MYRFL: variants seen among roughly 807,000 people sequenced by gnomAD.
MYRFL encodes myelin regulatory factor-like protein.
Under a neutral mutation model 109.4 loss-of-function variants are expected in MYRFL, and 88 were observed. That is an observed-to-expected ratio of 0.80 (90% confidence interval 0.68 to 0.96). The LOEUF (loss-of-function observed/expected upper bound fraction) is 0.96, where lower values mean the gene tolerates loss of function less well. Ranked by LOEUF, MYRFL falls within the 40% of genes least tolerant of loss-of-function variation. The pLI, the probability that MYRFL is intolerant of heterozygous loss-of-function variation, is 0.00. For synonymous variants in MYRFL, 324 were observed against 320.9 expected, an observed-to-expected ratio of 1.01 and a Z score of -0.10; for missense variants, 957 against 954.9, an observed-to-expected ratio of 1.00 and a Z score of -0.03.
At position 69,929,359 on chromosome 12, in the gene MYRFL, A is replaced by G. The variant is rs1406620775; in HGVS notation, c.1830+1611A>G. Among the ~76,000 whole-genome samples, 6 of 152,142 alleles carry G rather than the reference A, an allele frequency of 3.9e-5. No homozygotes were observed. The East Asian group carries it at 1.2e-3, about 29-fold the overall frequency. On this transcript the variant is annotated intron_variant, in intron 15 of 24. Transcript: ENST00000552032. Reference sequence around the variant, plus strand: ...TTGCATTGTAGCCAGGGAAGATTGGAAAAAAATACAAAGAACAGTTGTACC... The same window carrying G: ...TTGCATTGTAGCCAGGGAAGATTGGGAAAAAATACAAAGAACAGTTGTACC...
At chr12:69,934,441 C>T (rs1955381446) in intron 16 of MYRFL, among the ~76,000 whole-genome samples, 1 of 152,180 alleles carries the variant, frequency 6.6e-6, no homozygotes, top group Non-Finnish European at 1.5e-5. Flanking sequence ...CCATCTGCAG[C>T]CCAATGAACA....
chr12:69,879,559 A>G, intron 4 of MYRFL, 106 bp downstream of exon 4: 1 of 606,196 alleles, frequency 1.6e-6, no homozygotes, highest in Non-Finnish European at 2.9e-6. Context: ...CCTGTCCAGG[A>G]GATGGCAGTG....
intron 5 of MYRFL, among the ~76,000 whole-genome samples, chr12:69,885,410 A>G (rs1215681704): frequency 2.0e-5 from 3 of 152,146 alleles, no homozygotes; most frequent in Admixed American, 1.3e-4. Context: ...AAGAAAGGAA[A>G]AGTTTGAAGA....
chr12:69,879,733 G>C (rs529745480), intron 4 of MYRFL, among the ~76,000 whole-genome samples: 1 of 152,210 alleles, frequency 6.6e-6, no homozygotes. Context: ...AGCTTATGCA[G>C]CCTCAGCTAG....
chr12:69,957,047 T>C (rs1188108698), intron 22 of MYRFL, among the ~76,000 whole-genome samples: 1 of 137,000 alleles, frequency 7.3e-6, no homozygotes, highest in Non-Finnish European at 1.6e-5. Flanking sequence ...ATAACATACA[T>C]ACTCAACTGA....
intron 10 of MYRFL, among the ~76,000 whole-genome samples, chr12:69,902,988 T>C (rs1351772278): frequency 1.3e-5 from 2 of 152,232 alleles, no homozygotes; most frequent in African/African-American, 4.8e-5. Flanking sequence ...AATTTATTTA[T>C]CTTTTCAGAG....
intron 13 of MYRFL, among the ~76,000 whole-genome samples, chr12:69,924,506 C>T (rs575151660): frequency 2.6e-5 from 4 of 152,034 alleles, no homozygotes; most frequent in Non-Finnish European, 4.4e-5. Flanking sequence ...ATTATCAATT[C>T]CCCTATTAAT....
rs1336839416 is a variant in MYRFL at position 69,890,999 on chromosome 12, G to A, written c.736G>A (p.Asp246Asn). 5 of 1,532,740 alleles carry A rather than the reference G, an allele frequency of 3.3e-6. No individual in the cohort carries two copies. The allele number at this position is 1,532,740 out of a possible 1,614,324, so 94.9% of individuals were successfully genotyped here. A position where few individuals can be genotyped will look rare whatever the true frequency, so the allele number is the denominator to read the frequency against. ...TGATGTGGGCTATCGAGTTGTAACAGACAAAGGATTTAATTTTTCACCAGC... is the reference window on the plus strand; with the variant it reads ...TGATGTGGGCTATCGAGTTGTAACAAACAAAGGATTTAATTTTTCACCAGC... ...LPDVGYRVVT[D>N]KGFNFSPADE... is the part of the protein sequence containing the mutation. Residue 246 changes from aspartate to asparagine, a missense_variant, in exon 7 of 25, where the codon GAC becomes AAC. Physicochemically the swap from Asp to Asn is conservative, Grantham distance 23. Coordinates refer to ENST00000552032, the MANE Select transcript of MYRFL (RefSeq NM_182530.3).
chr12:69,919,184 C>G (rs1346154035), intron 13 of MYRFL, among the ~76,000 whole-genome samples: 1 of 152,142 alleles, frequency 6.6e-6, no homozygotes, highest in African/African-American at 2.4e-5. Context: ...TGAGTTGGCC[C>G]TGAGGAGTCA....
At chr12:69,951,043 G>A (rs1466452267) in intron 19 of MYRFL, among the ~76,000 whole-genome samples, 1 of 152,184 alleles carries the variant, frequency 6.6e-6, no homozygotes, top group Non-Finnish European at 1.5e-5. Context: ...TACATGAAAA[G>A]TTAAGTAATA....
chr12:69,905,246 G>T (rs1366230987), intron 11 of MYRFL, among the ~76,000 whole-genome samples: 1 of 152,172 alleles, frequency 6.6e-6, no homozygotes, highest in African/African-American at 2.4e-5. Context: ...GAAAAGTCCT[G>T]TACAACCCTT....
chr12:69,835,266 G>A (rs1259944493), intron 1 of MYRFL, among the ~76,000 whole-genome samples: 1 of 152,160 alleles, frequency 6.6e-6, no homozygotes, highest in Non-Finnish European at 1.5e-5. Context: ...GCCTTGGCAG[G>A]GTTTGGGGAA....
intron 11 of MYRFL, among the ~76,000 whole-genome samples, chr12:69,905,314 T>C (rs1458023021): frequency 1.3e-5 from 2 of 152,246 alleles, no homozygotes; most frequent in East Asian, 1.9e-4. Context: ...CAAATATTGC[T>C]TGTTGGTTTG....
intron 13 of MYRFL, among the ~76,000 whole-genome samples, chr12:69,913,550 A>G (rs551221137): frequency 3.3e-5 from 5 of 152,326 alleles, no homozygotes; most frequent in Admixed American, 6.5e-5. Context: ...TGTTGAAAAG[A>G]CTGTCCTTTT....
At chr12:69,852,426 TTGAA>T (rs955960225) in intron 1 of MYRFL, among the ~76,000 whole-genome samples, 12 of 151,880 alleles carry the variant, frequency 7.9e-5, no homozygotes, top group Non-Finnish European at 1.5e-4. Context: ...ATCTGCATGA[TTGAA>T]TGGTTCTTAT....
At chr12:69,843,606 G>T (rs1275112620) in intron 1 of MYRFL, among the ~76,000 whole-genome samples, 3 of 152,328 alleles carry the variant, frequency 2.0e-5, no homozygotes, top group South Asian at 2.1e-4. Flanking sequence ...AGCCCCATAG[G>T]CATATGTAGA....
At chr12:69,876,282 T>C (rs1885654500) in intron 2 of MYRFL, among the ~76,000 whole-genome samples, 1 of 152,228 alleles carries the variant, frequency 6.6e-6, no homozygotes. Context: ...AGAAACTCAC[T>C]GTATGGCAGT....
intron 2 of MYRFL, among the ~76,000 whole-genome samples, chr12:69,866,911 C>T (rs1008362855): frequency 8.5e-5 from 13 of 152,194 alleles, no homozygotes; most frequent in African/African-American, 3.1e-4. Flanking sequence ...TGCAGGACTT[C>T]TCAGTGCCTT....
intron 19 of MYRFL, among the ~76,000 whole-genome samples, chr12:69,949,244 T>TAA (rs11301848): frequency 4.1e-5 from 6 of 145,332 alleles, no homozygotes; most frequent in African/African-American, 1.0e-4. Flanking sequence ...ATCTGCAAAT[T>TAA]AAAAAAAAAA....
Sources: allele counts gnomAD v4.1 joint callset (sites outside exome capture counted in the v4.1 genomes callset), GRCh38; gene constraint gnomAD v4.1.1; transcripts MANE v1.5; gene names NCBI Gene and HGNC (gene_info 2026-07-23, HGNC 2026-07-21).